DCUN1D4: variants seen among roughly 807,000 people sequenced by gnomAD.
DCUN1D4 encodes the protein DCN1-like protein 4.
A neutral mutation model predicts 47.9 loss-of-function variants in DCUN1D4; 22 were observed. The observed-to-expected ratio is 0.46, with a 90% CI of 0.33 to 0.66. The LOEUF is 0.66. DCUN1D4 is among the 30% of genes least tolerant of loss of function. The probability of loss-of-function intolerance (pLI) is 0.02; values close to 1 mark genes in which losing one functional copy is unlikely to be tolerated. For missense variants in DCUN1D4, 301 were observed against 340.8 expected (o/e 0.88, Z 0.92); for synonymous variants, 121 against 112.2 (o/e 1.08, Z -0.50).
intron 3 of DCUN1D4, among the ~76,000 whole-genome samples, chr4:51,871,825 A>G (rs1352742311): frequency 6.6e-6 from 1 of 152,210 alleles, no homozygotes; most frequent in Non-Finnish European, 1.5e-5. Context: ...GGGTCACTGC[A>G]ATTCTTTGGA....
At chr4:51,868,381 G>GGCT (rs1726314941) in intron 3 of DCUN1D4, among the ~76,000 whole-genome samples, 1 of 152,228 alleles carries the variant, frequency 6.6e-6, no homozygotes, top group Non-Finnish European at 1.5e-5. Flanking sequence ...GCTCCAGACG[G>GGCT]GCTGCTGCTG....
At chr4:51,847,780 A>G (rs1447595638) in intron 1 of DCUN1D4, among the ~76,000 whole-genome samples, 1 of 152,068 alleles carries the variant, frequency 6.6e-6, no homozygotes, top group Non-Finnish European at 1.5e-5. Flanking sequence ...CTGCTGTTTT[A>G]GAATTTTTCT....
intron 1 of DCUN1D4, among the ~76,000 whole-genome samples, chr4:51,856,251 T>TA (rs1724120270): frequency 6.6e-6 from 1 of 152,182 alleles, no homozygotes; most frequent in Non-Finnish European, 1.5e-5. Flanking sequence ...AAGCATTTGT[T>TA]AAGAGCATAA....
intron 1 of DCUN1D4, among the ~76,000 whole-genome samples, chr4:51,850,192 A>T (rs1723160970): frequency 6.6e-6 from 1 of 152,174 alleles, no homozygotes. Context: ...AGGCATGATA[A>T]ATCTCTCGTT....
In DCUN1D4 at chr4:51,870,418, CTGTT is replaced by C. The variant is rs1397955452; in HGVS notation, c.137-3847_137-3844del. Reference sequence around the variant, plus strand: ...TATCTGCCAAGAAACTTAAAGTTAACTGTTTGTTTTAGTGACAAATGGGGAAAAA... The same window carrying C: ...TATCTGCCAAGAAACTTAAAGTTAACTGTTTTAGTGACAAATGGGGAAAAA... On this transcript the variant is annotated intron_variant, in intron 3 of 10. Transcript: ENST00000334635. Among the ~76,000 whole-genome samples, 6 of 151,924 alleles carry C rather than the reference CTGTT, an allele frequency of 3.9e-5. No homozygotes were observed. In the South Asian group the frequency reaches 6.2e-4, roughly 16 times the overall value.
chr4:51,880,402 G>C (rs1463408699), intron 5 of DCUN1D4, among the ~76,000 whole-genome samples: 1 of 152,170 alleles, frequency 6.6e-6, no homozygotes, highest in Non-Finnish European at 1.5e-5. Flanking sequence ...TTTTAATCTG[G>C]AGTAGAGTGG....
intron 7 of DCUN1D4, among the ~76,000 whole-genome samples, chr4:51,894,255 A>C (rs1408258804): frequency 6.6e-6 from 1 of 152,122 alleles, no homozygotes; most frequent in African/African-American, 2.4e-5. Context: ...ATTCAGAATA[A>C]CTTTTAAGGT....
At chr4:51,889,063 C>T (rs1475140938) in intron 6 of DCUN1D4, among the ~76,000 whole-genome samples, 1 of 152,042 alleles carries the variant, frequency 6.6e-6, no homozygotes, top group Non-Finnish European at 1.5e-5. Flanking sequence ...GAGCCGAGAT[C>T]GCACCACTGT....
At chr4:51,841,373 T>A (rs1421497449), upstream of DCUN1D4, among the ~76,000 whole-genome samples, 2 of 152,204 alleles carry the variant, frequency 1.3e-5, no homozygotes, top group African/African-American at 2.4e-5. Flanking sequence ...GCAGCTTCCC[T>A]GCTCAGAGTA....
At chr4:51,845,380 G>A (rs552589469) in intron 1 of DCUN1D4, 1 of 668,674 alleles carries the variant, frequency 1.5e-6, no homozygotes, top group Admixed American at 6.3e-5. Context: ...GTGAGCAAAG[G>A]TAATATGTGA....
At chr4:51,906,811 C>G (rs1317364993) in intron 8 of DCUN1D4, among the ~76,000 whole-genome samples, 1 of 152,210 alleles carries the variant, frequency 6.6e-6, no homozygotes, top group African/African-American at 2.4e-5. Context: ...ATCGAAATCT[C>G]TCTTCCTTCC....
intron 5 of DCUN1D4, among the ~76,000 whole-genome samples, chr4:51,885,333 G>A (rs1202319984): frequency 6.6e-6 from 1 of 152,100 alleles, no homozygotes; most frequent in Non-Finnish European, 1.5e-5. Flanking sequence ...ATAATTAGAA[G>A]GTAAAATTGG....
intron 7 of DCUN1D4, among the ~76,000 whole-genome samples, chr4:51,897,148 G>A (rs1731394897): frequency 6.6e-6 from 1 of 152,156 alleles, no homozygotes; most frequent in Non-Finnish European, 1.5e-5. Flanking sequence ...TCTTGAAGAA[G>A]TCTTTTCCGA....
chr4:51,846,261 C>T (rs1011967158), intron 1 of DCUN1D4, among the ~76,000 whole-genome samples: 2 of 152,122 alleles, frequency 1.3e-5, no homozygotes, highest in Non-Finnish European at 2.9e-5. Context: ...GTGAACGTAG[C>T]TGTGCATTTA....
At chr4:51,907,391 CT>C (rs1733054573) in intron 8 of DCUN1D4, among the ~76,000 whole-genome samples, 1 of 152,154 alleles carries the variant, frequency 6.6e-6, no homozygotes, top group African/African-American at 2.4e-5. Flanking sequence ...CAGATATGAG[CT>C]TTTTACAGCC....
upstream of DCUN1D4, among the ~76,000 whole-genome samples, chr4:51,841,334 G>T (rs111737158): frequency 2.6e-5 from 4 of 152,234 alleles, no homozygotes; most frequent in African/African-American, 9.6e-5. Context: ...AGATTAAGCT[G>T]AAACATAAAT....
chr4:51,877,591 A>C (rs1159686344), intron 4 of DCUN1D4, 172 bp from the exon 5 acceptor site: 2 of 505,986 alleles, frequency 4.0e-6, no homozygotes, highest in East Asian at 6.6e-5. Flanking sequence ...GACTGTGTTT[A>C]AACACTGTAG....
chr4:51,843,413 C>T (rs1438513582), intron 1 of DCUN1D4, 146 bp downstream of exon 1: 3 of 1,253,904 alleles, frequency 2.4e-6, no homozygotes, highest in Non-Finnish European at 2.0e-6. Context: ...CTCCCGGGGC[C>T]GGGGCGGGCG....
rs139477455 is a variant in DCUN1D4, at chr4:51,913,545, C to T, written c.840C>T (p.Asp280=). The change falls in exon 11 of 11, where the codon GAC becomes GAT. Residue 280 remains aspartate (D), a synonymous_variant. Transcript: ENST00000334635. ...TCTCTCCAGGGCCAGTTTTGTTGGACGAGTTTGTGGAGTGGTATAAAGACA... is the reference window on the plus strand; with the variant it reads ...TCTCTCCAGGGCCAGTTTTGTTGGATGAGTTTGTGGAGTGGTATAAAGACA... ...DEDGAWPVLL[D]EFVEWYKDKQ... 1.5e-4 allele frequency: 243 copies of T among 1,612,538 alleles called. 1 individual carries two copies. The East Asian group carries it at 4.4e-3, about 29-fold the overall frequency.
Sources: gnomAD v4.1 joint callset for allele counts (sites outside exome capture counted in the v4.1 genomes callset) on GRCh38, gnomAD v4.1.1 for gene constraint, MANE v1.5 for transcripts, NCBI Gene and HGNC (gene_info 2026-07-23, HGNC 2026-07-21) for gene names.